BRCA2: variants seen among roughly 807,000 people sequenced by gnomAD.
BRCA2 encodes the protein breast cancer type 2 susceptibility protein.
Under a neutral mutation model 276.7 loss-of-function variants are expected in BRCA2, and 203 were observed. The observed-to-expected ratio is 0.73, with a 90% CI of 0.65 to 0.82. The LOEUF is 0.82. Ranked by LOEUF, BRCA2 falls within the 40% of genes least tolerant of loss-of-function variation. The pLI, the probability that BRCA2 is intolerant of heterozygous loss-of-function variation, is 0.00. For synonymous variants in BRCA2, 1,289 were observed against 1,338.4 expected (o/e 0.96, Z 0.81); for missense variants, 3,920 against 3,915.0 (o/e 1.00, Z -0.03).
intron 16 of BRCA2, among the ~76,000 whole-genome samples, chr13:32,359,851 G>A (rs1456451759): frequency 6.6e-6 from 1 of 152,162 alleles, no homozygotes; most frequent in Non-Finnish European, 1.5e-5. Flanking sequence ...AATCTCTATT[G>A]AGCACTTGCT....
rs1057522185 is a variant in BRCA2, at chr13:32,344,670, A to T, written c.6937+17A>T. On this transcript the variant is annotated intron_variant, in intron 12 of 26. Coordinates refer to ENST00000380152, the MANE Select transcript of BRCA2 (RefSeq NM_000059.4). ...CTCCAGATGGTAAAATTAGCTTTTT[A>T]TTTATATCTGTTCTCCCTCTATAGG... The T allele has an allele frequency of 1.3e-6, 2 of 1,490,798 alleles. No individual in the cohort carries two copies. The allele number at this position is 1,490,798 out of a possible 1,614,324, so 92.3% of individuals were successfully genotyped here.
intron 4 of BRCA2, 58 bp from the exon 5 acceptor site, chr13:32,326,043 A>C: frequency 7.0e-7 from 1 of 1,426,078 alleles, no homozygotes; most frequent in Non-Finnish European, 9.8e-7. Flanking sequence ...AAATAAGATA[A>C]ACTAGTTTTT....
intron 18 of BRCA2, among the ~76,000 whole-genome samples, chr13:32,365,461 ACCT>A (rs909291599): frequency 1.3e-5 from 2 of 151,600 alleles, no homozygotes; most frequent in African/African-American, 4.8e-5. Context: ...GCTCACTGCA[ACCT>A]CCGCCTCTCG....
chr13:32,391,489 CAG>C (rs1485776943), intron 24 of BRCA2, among the ~76,000 whole-genome samples: 1 of 152,194 alleles, frequency 6.6e-6, no homozygotes, highest in Admixed American at 6.5e-5. Context: ...GGAGGGAACT[CAG>C]AGGTGAGTTG....
At position 32,398,241 on chromosome 13, in the gene BRCA2, C is replaced by A. The variant is rs80359241; in HGVS notation, c.9728C>A (p.Pro3243His). Residue 3243 changes from proline (P) to histidine (H), a missense_variant, in exon 27 of 27, where the codon CCT becomes CAT. By Grantham distance (77) the Pro-to-His change is moderately conservative (BLOSUM62 -2). Transcript: ENST00000380152. ...GCCAAAAGGAAGTCTGTTTCCACAC[C>A]TGTCTCAGCCCAGATGACTTCAAAG... ...CMAKRKSVST[P>H]VSAQMTSKSC... 1 of 1,613,960 alleles carries A rather than the reference C, an allele frequency of 6.2e-7. No individual in the cohort carries two copies. The highest frequency in any genetic ancestry group is 8.5e-7 in the Non-Finnish European group (1 of 1,179,976).
intron 3 of BRCA2, 79 bp from the exon 4 acceptor site, chr13:32,324,997 T>A: frequency 9.7e-7 from 1 of 1,027,838 alleles, no homozygotes; most frequent in South Asian, 1.3e-5. Flanking sequence ...GGAGACTTTT[T>A]GTTTTTAAAC....
rs1410689747 is a variant in BRCA2 at position 32,337,972 on chromosome 13, G to T, written c.3617G>T (p.Gly1206Val). The T allele has an allele frequency of 1.2e-6, 2 of 1,613,710 alleles. No individual in the cohort carries two copies. Among genetic ancestry groups the T allele is most frequent in the South Asian group, 1.1e-5 (1 of 91,052 alleles). ...LKNDCNKSAS[G>V]YLTDENEVGF... ...AATGACTGTAACAAAAGTGCTTCTG[G>T]TTATTTAACAGATGAAAATGAAGTG... The change falls in exon 11 of 27, where the codon GGT becomes GTT. Residue 1206 changes from glycine (G) to valine (V), a missense_variant. Around this residue, in one of 2 missense-constraint regions of BRCA2, gnomAD observed 3,263 missense variants for 3,156.9 expected, o/e 1.03. Coordinates refer to ENST00000380152, the MANE Select transcript of BRCA2 (RefSeq NM_000059.4).
chr13:32,394,685 C>T lies in BRCA2; in HGVS notation c.9257-4C>T, dbSNP rs763548291. ...AACATTCTTTTCTTTTTTTTCCATT[C>T]TAGGACTTGCCCCTTTCGTCTATTT... On this transcript the variant is annotated splice_polypyrimidine_tract_variant and splice_region_variant and intron_variant, in intron 24 of 26. Transcript: ENST00000380152. The T allele has an allele frequency of 1.9e-6, 3 of 1,611,486 alleles. No homozygotes were observed. Among genetic ancestry groups the T allele is most frequent in the Admixed American group, 1.7e-5 (1 of 59,800 alleles).
intron 16 of BRCA2, among the ~76,000 whole-genome samples, chr13:32,358,841 G>A (rs2072719368): frequency 6.6e-6 from 1 of 152,114 alleles, no homozygotes; most frequent in Non-Finnish European, 1.5e-5. Context: ...GGCTGAGGCA[G>A]GAGAATCATT....
At position 32,336,418 on chromosome 13, in the gene BRCA2, A is replaced by G. The variant is rs28897713; in HGVS notation, c.2063A>G (p.Tyr688Cys). Reference protein sequence around the residue: ...NNTVISQDLDYKEAKCNKEKL... With the variant: ...NNTVISQDLDCKEAKCNKEKL... ...ACAGTAATCTCTCAGGATCTTGATT[A>G]TAAAGAAGCAAAATGTAATAAGGAA... Residue 688 changes from tyrosine (Y) to cysteine (C), a missense_variant, in exon 11 of 27, where the codon TAT becomes TGT. This residue lies in a region of BRCA2 where 3,263 missense variants were observed against 3,156.9 expected (regional missense o/e 1.03). Transcript: ENST00000380152. 1.9e-6 allele frequency: 3 copies of G among 1,613,750 alleles called. No individual in the cohort carries two copies. The highest frequency in any genetic ancestry group is 1.1e-5 in the South Asian group (1 of 90,992).
At position 32,337,606 on chromosome 13, in the gene BRCA2, G is replaced by A. The variant is rs543748012; in HGVS notation, c.3251G>A (p.Ser1084Asn). ...SSVVVSDCKN[S>N]HITPQMLFSK... The stretch of plus-strand genomic sequence containing the variant: ...GTAGTTGTTTCTGATTGTAAAAATA[G>A]TCATATAACCCCTCAGATGTTATTT... Residue 1084 changes from serine (S) to asparagine (N), a missense_variant, in exon 11 of 27, where the codon AGT becomes AAT. Transcript: ENST00000380152. The A allele has an allele frequency of 1.3e-6, 2 of 1,593,364 alleles. No individual in the cohort carries two copies. Among genetic ancestry groups the A allele is most frequent in the Admixed American group, 1.8e-5 (1 of 56,474 alleles).
Position 32,337,126 on chromosome 13 carries a change from A to T in BRCA2, c.2771A>T (p.Asn924Ile), listed in dbSNP as rs80358530. Residue 924 changes from asparagine to isoleucine, a missense_variant, in exon 11 of 27, where the codon AAC (asparagine) becomes ATC (isoleucine). Physicochemically the swap from Asn to Ile is moderately radical, Grantham distance 149. Around this residue, in one of 2 missense-constraint regions of BRCA2, gnomAD observed 3,263 missense variants for 3,156.9 expected, o/e 1.03. Coordinates refer to ENST00000380152, the MANE Select transcript of BRCA2 (RefSeq NM_000059.4). ...TGTGTAAACGAACCCATTTTCAAGA[A>T]CTCTACCATGGTTTTATATGGAGAC... ...LTCVNEPIFK[N>I]STMVLYGDTG... 1.8e-5 allele frequency: 29 copies of T among 1,613,694 alleles called. No homozygotes were observed. Among genetic ancestry groups the T allele is most frequent in the Middle Eastern group, 1.6e-4 (1 of 6,080 alleles).
chr13:32,387,970 C>G (rs2072972228), intron 24 of BRCA2, among the ~76,000 whole-genome samples: 1 of 152,144 alleles, frequency 6.6e-6, no homozygotes, highest in South Asian at 2.1e-4. Context: ...CGCTACCGGT[C>G]TCCCGCGTCT....
rs9534286 is a variant in BRCA2 at position 32,369,041 on chromosome 13, C to G, written c.8332-1361C>G. On this transcript the variant is annotated intron_variant, in intron 18 of 26. Transcript: ENST00000380152. ...GCCAGGCTGGTCTCCAACTCCTGACCTTGTGATCCACCCGCCTCGGCCTCC... is the reference window on the plus strand; with the variant it reads ...GCCAGGCTGGTCTCCAACTCCTGACGTTGTGATCCACCCGCCTCGGCCTCC... Among the ~76,000 whole-genome samples the G allele has an allele frequency of 0.018, 2,724 of 152,156 alleles. 32 individuals are homozygous for G. Among genetic ancestry groups the G allele is most frequent in the Non-Finnish European group, 0.028 (1,897 of 67,990 alleles).
At chr13:32,316,571 G>A (rs1426791260) in intron 2 of BRCA2, 44 bp downstream of exon 2, 2 of 1,553,446 alleles carry the variant, frequency 1.3e-6, no homozygotes, top group Non-Finnish European at 1.8e-6. Context: ...CACCGAGAAA[G>A]TGTTTTCTAA....
intron 11 of BRCA2, among the ~76,000 whole-genome samples, chr13:32,343,994 A>G (rs907851928): frequency 3.9e-5 from 6 of 152,134 alleles, no homozygotes; most frequent in Non-Finnish European, 8.8e-5. Context: ...GGAAATGCCT[A>G]CCTTGAATTA....
chr13:32,370,995 A>C lies in BRCA2; in HGVS notation c.8527A>C (p.Asn2843His), dbSNP rs876660403. The change falls in exon 20 of 27, where the codon AAT (asparagine) becomes CAT (histidine). Residue 2843 changes from asparagine to histidine, a missense_variant. Asn to His is a moderately conservative substitution (Grantham distance 68, BLOSUM62 1). Around this residue, in one of 2 missense-constraint regions of BRCA2, gnomAD observed 657 missense variants for 758.2 expected, o/e 0.87. Transcript: ENST00000380152. ...KTSSGLYIFR[N>H]EREEEKEAAK... ...ATCATCTGGATTATACATATTTCGC[A>C]ATGAAAGAGAGGAAGAAAAGGAAGC... is the stretch of plus-strand genomic sequence containing the variant. 1.2e-6 allele frequency: 2 copies of C among 1,614,160 alleles called. No homozygotes were observed. The highest frequency in any genetic ancestry group is 1.6e-4 in the Middle Eastern group (1 of 6,062).
At chr13:32,352,487 T>C (rs2072659815) in intron 13 of BRCA2, among the ~76,000 whole-genome samples, 1 of 152,112 alleles carries the variant, frequency 6.6e-6, no homozygotes, top group East Asian at 1.9e-4. Flanking sequence ...CTAGAATAGA[T>C]GTAAAAAGTG....
intron 20 of BRCA2, among the ~76,000 whole-genome samples, chr13:32,373,149 G>A (rs2072846157): frequency 6.6e-6 from 1 of 151,690 alleles, no homozygotes; most frequent in Non-Finnish European, 1.5e-5. Context: ...GCACCACCAT[G>A]CCCAGCTAAT....
Sources: gnomAD v4.1 joint callset for allele counts (sites outside exome capture counted in the v4.1 genomes callset) on GRCh38, gnomAD v4.1.1 for gene constraint, gnomAD v4.1.1 regional missense constraint, MANE v1.5 for transcripts, NCBI Gene and HGNC (gene_info 2026-07-23, HGNC 2026-07-21) for gene names.